Variants in NLGN1 observed in about 807,000 individuals in gnomAD.
NLGN1 encodes neuroligin 1, also known as neuroligin-1.
In NLGN1, 12 loss-of-function variants were observed where a neutral mutation model predicts 65.5. The observed-to-expected ratio is 0.18, with a 90% CI of 0.12 to 0.30. NLGN1 has a LOEUF of 0.30. NLGN1 is among the 10% of genes least tolerant of loss of function. The pLI is 1.00. For missense variants in NLGN1, 750 were observed against 1,007.1 expected, an observed-to-expected ratio of 0.74 and a Z score of 3.46; for synonymous variants, 350 against 359.5, an observed-to-expected ratio of 0.97 and a Z score of 0.30.
At chr3:174,046,388 T>A (rs1351401883) in intron 4 of NLGN1, among the ~76,000 whole-genome samples, 1 of 152,004 alleles carries the variant, frequency 6.6e-6, no homozygotes, top group Non-Finnish European at 1.5e-5. Flanking sequence ...TTTTTTTTAC[T>A]GTATTATTTT....
chr3:173,446,285 A>G (rs931551299), intron 2 of NLGN1, among the ~76,000 whole-genome samples: 5 of 151,264 alleles, frequency 3.3e-5, no homozygotes, highest in Admixed American at 6.6e-5. Flanking sequence ...TCATTGTTCA[A>G]TTCCCACCTA....
At chr3:173,640,862 A>G (rs1757310035) in intron 3 of NLGN1, among the ~76,000 whole-genome samples, 1 of 152,192 alleles carries the variant, frequency 6.6e-6, no homozygotes, top group African/African-American at 2.4e-5. Context: ...TTTGGCAAGA[A>G]TATTACTTAG....
At chr3:173,567,274 C>A (rs1345022548) in intron 2 of NLGN1, among the ~76,000 whole-genome samples, 1 of 151,966 alleles carries the variant, frequency 6.6e-6, no homozygotes, top group East Asian at 1.9e-4. Flanking sequence ...AGTTCAAGAA[C>A]CCTCATTTGA....
intron 4 of NLGN1, among the ~76,000 whole-genome samples, chr3:174,223,242 G>A (rs1738987741): frequency 6.6e-6 from 1 of 151,996 alleles, no homozygotes; most frequent in African/African-American, 2.4e-5. Context: ...CTCTCCTTTT[G>A]TGCCAAATTA....
chr3:173,485,708 A>C (rs1301739024), intron 2 of NLGN1, among the ~76,000 whole-genome samples: 2 of 152,184 alleles, frequency 1.3e-5, no homozygotes, highest in Non-Finnish European at 2.9e-5. Context: ...TAGAAATGAC[A>C]TTGTTTTACA....
intron 3 of NLGN1, among the ~76,000 whole-genome samples, chr3:173,768,024 TAAG>T (rs1467271434): frequency 6.6e-6 from 1 of 152,110 alleles, no homozygotes; most frequent in Non-Finnish European, 1.5e-5. Context: ...AAGTTGTTAA[TAAG>T]AAACAAGCTT....
intron 3 of NLGN1, among the ~76,000 whole-genome samples, chr3:173,610,028 T>G (rs561319223): frequency 6.6e-6 from 1 of 151,886 alleles, no homozygotes; most frequent in African/African-American, 2.4e-5. Context: ...AAAAAGTCAC[T>G]CTGGTGGATG....
chr3:173,565,778 C>A (rs1743552889), intron 2 of NLGN1, among the ~76,000 whole-genome samples: 1 of 152,094 alleles, frequency 6.6e-6, no homozygotes, highest in Non-Finnish European at 1.5e-5. Flanking sequence ...TGAGACCTGA[C>A]AATTTTTATT....
chr3:173,784,061 C>A (rs1227822968), intron 3 of NLGN1, among the ~76,000 whole-genome samples: 1 of 152,118 alleles, frequency 6.6e-6, no homozygotes, highest in Non-Finnish European at 1.5e-5. Flanking sequence ...TAAATATGCA[C>A]TGATAGGAGT....
intron 4 of NLGN1, among the ~76,000 whole-genome samples, chr3:174,057,433 T>C (rs1401838940): frequency 1.3e-5 from 2 of 152,040 alleles, no homozygotes; most frequent in African/African-American, 2.4e-5. Context: ...TGGGGGTGAC[T>C]AGACAGAAAG....
rs530844656 is a variant in NLGN1, at chr3:174,130,096, C to T, written c.647-145219C>T. On this transcript the variant is annotated intron_variant, in intron 4 of 6. Transcript: ENST00000457714. ...GAGATCAAATCACTGTATAGAAGGC[C>T]GGGCATGGTGGCCCTCGCCTGTAAT... Among the ~76,000 whole-genome samples, 13 of 152,258 alleles carry T rather than the reference C, an allele frequency of 8.5e-5. No homozygotes were observed. The South Asian group carries it at 2.1e-3, about 24-fold the overall frequency.
At chr3:173,915,089 A>G (rs977407057) in intron 4 of NLGN1, 2 of 152,228 alleles carry the variant, frequency 1.3e-5, no homozygotes, top group African/African-American at 4.8e-5. Context: ...TTGGAGCAAC[A>G]TATTAACAGG....
At chr3:173,431,712 C>T (rs1717197135) in intron 1 of NLGN1, among the ~76,000 whole-genome samples, 1 of 152,160 alleles carries the variant, frequency 6.6e-6, no homozygotes, top group Admixed American at 6.5e-5. Flanking sequence ...AGTGAATCCA[C>T]ATTGACACAT....
intron 4 of NLGN1, among the ~76,000 whole-genome samples, chr3:173,991,271 T>C (rs1015944225): frequency 6.6e-6 from 1 of 152,158 alleles, no homozygotes; most frequent in Non-Finnish European, 1.5e-5. Context: ...ATAATTGATA[T>C]AATTTAATAG....
chr3:173,607,527 TAAAC>T (rs138112165), intron 3 of NLGN1, among the ~76,000 whole-genome samples: 6,402 of 151,752 alleles, frequency 0.042, 301 homozygotes, highest in Admixed American at 0.1. Flanking sequence ...ATTTTTAAAA[TAAAC>T]AAAAACTAAA....
chr3:173,857,201 A>T (rs1024234470), intron 4 of NLGN1, among the ~76,000 whole-genome samples: 1 of 152,000 alleles, frequency 6.6e-6, no homozygotes, highest in African/African-American at 2.4e-5. Flanking sequence ...AAGCAGATAG[A>T]AGGTAAGGGT....
Position 173,545,744 on chromosome 3 carries a change from C to T in NLGN1, c.-320-58535C>T, listed in dbSNP as rs150498583. 3.1e-3 allele frequency among the ~76,000 whole-genome samples: 477 copies of T among 152,230 alleles called. 1 individual carries two copies. Among genetic ancestry groups the T allele is most frequent in the Admixed American group, 6.2e-3 (94 of 15,282 alleles). ...ATAAAGAAAATGTGGCACATATACA[C>T]CGTGGAATACTATGCAACCATAAAA... On this transcript the variant is annotated intron_variant, in intron 2 of 6. Transcript: ENST00000457714.
intron 4 of NLGN1, among the ~76,000 whole-genome samples, chr3:173,834,790 C>T (rs1459935839): frequency 2.6e-5 from 4 of 152,178 alleles, no homozygotes; most frequent in African/African-American, 7.2e-5. Flanking sequence ...CTCATGCTGT[C>T]CCTCACTATG....
intron 2 of NLGN1, among the ~76,000 whole-genome samples, chr3:173,572,645 G>A (rs1275397506): frequency 1.3e-5 from 2 of 152,310 alleles, no homozygotes; most frequent in East Asian, 1.9e-4. Flanking sequence ...TTCTCTGGTT[G>A]TCATAGTTAT....
Sources: gnomAD v4.1 joint callset for allele counts (sites outside exome capture counted in the v4.1 genomes callset) on GRCh38, gnomAD v4.1.1 for gene constraint, MANE v1.5 for transcripts, NCBI Gene and HGNC (gene_info 2026-07-23, HGNC 2026-07-21) for gene names.